FGD6: variants seen among roughly 807,000 people sequenced by gnomAD.
The protein encoded by FGD6 is FYVE, RhoGEF and PH domain containing 6.
Under a neutral mutation model 149.4 loss-of-function variants are expected in FGD6, and 90 were observed. That is an observed-to-expected ratio of 0.60 (90% CI 0.51 to 0.72). FGD6 has a LOEUF of 0.72. FGD6 is among the 30% of genes least tolerant of loss of function. FGD6 has a pLI of 0.00. For synonymous variants in FGD6, 527 were observed against 584.0 expected (o/e 0.90, Z 1.41); for missense variants, 1,437 against 1,684.8 (o/e 0.85, Z 2.57).
chr12:95,118,364 A>AG (rs201747081), intron 8 of FGD6, among the ~76,000 whole-genome samples: 14,392 of 114,110 alleles, frequency 0.13, 1,090 homozygotes, highest in African/African-American at 0.23. Flanking sequence ...AAAAAAAAAG[A>AG]AAGAGAGAGA....
intron 9 of FGD6, 137 bp from the exon 10 acceptor site, chr12:95,108,698 G>T: frequency 2.1e-6 from 2 of 952,126 alleles, no homozygotes; most frequent in Non-Finnish European, 1.6e-6. Flanking sequence ...ACTGTGAGTA[G>T]GCAGAAATAT....
In FGD6 at chr12:95,209,511, G is replaced by A. The variant is rs759881385; in HGVS notation, c.1773C>T (p.Asn591=). The A allele has an allele frequency of 1.2e-6, 2 of 1,613,790 alleles. No homozygotes were observed. The highest frequency in any genetic ancestry group is 1.7e-6 in the Non-Finnish European group (2 of 1,179,906). Residue 591 remains asparagine (N), a synonymous_variant, in exon 2 of 21, where the codon AAC becomes AAT. Coordinates refer to ENST00000343958, the MANE Select transcript of FGD6 (RefSeq NM_018351.4). ...EFLKSVTVSS[N]SEPSTALTKP... is the part of the protein sequence containing the mutation. ...TGGTTAGGGCTGTTGAAGGCTCACTGTTTGACGATACGGTGACAGACTTTA... is the reference window on the plus strand; with the variant it reads ...TGGTTAGGGCTGTTGAAGGCTCACTATTTGACGATACGGTGACAGACTTTA...
At chr12:95,201,636 T>C (rs553345580) in intron 2 of FGD6, among the ~76,000 whole-genome samples, 2 of 152,216 alleles carry the variant, frequency 1.3e-5, no homozygotes, top group East Asian at 3.9e-4. Flanking sequence ...TAGGAGAACA[T>C]AGTGGGCCCT....
Position 95,085,819 on chromosome 12 carries a change from G to T in FGD6, c.4068C>A (p.Val1356=). ...ATGTATATAGTACTTTATTTTTTATGACAAACCAAAAGTGTTTCCAGGGTT... is the reference window on the plus strand; with the variant it reads ...ATGTATATAGTACTTTATTTTTTATTACAAACCAAAAGTGTTTCCAGGGTT... ...NKKPWKHFWF[V]IKNKVLYTYA... is the part of the protein sequence containing the mutation. The change falls in exon 19 of 21, where the codon GTC becomes GTA. Residue 1356 remains valine, a synonymous_variant. Coordinates refer to ENST00000343958, the MANE Select transcript of FGD6 (RefSeq NM_018351.4). The T allele has an allele frequency of 6.2e-7, 1 of 1,613,628 alleles. No homozygotes were observed. Among genetic ancestry groups the T allele is most frequent in the South Asian group, 1.1e-5 (1 of 90,998 alleles).
chr12:95,169,750 G>A (rs1880935052), intron 3 of FGD6, among the ~76,000 whole-genome samples: 1 of 152,202 alleles, frequency 6.6e-6, no homozygotes, highest in African/African-American at 2.4e-5. Flanking sequence ...ATAGAAAAGA[G>A]TGTCTGCTAG....
intron 2 of FGD6, among the ~76,000 whole-genome samples, chr12:95,204,496 C>G (rs759106404): frequency 6.6e-6 from 1 of 152,088 alleles, no homozygotes. Flanking sequence ...ACTACCCTAC[C>G]CTTCCCCCTT....
intron 2 of FGD6, among the ~76,000 whole-genome samples, chr12:95,177,189 C>T (rs1026875236): frequency 1.3e-5 from 2 of 152,096 alleles, no homozygotes; most frequent in African/African-American, 4.8e-5. Flanking sequence ...AACAGAAAAC[C>T]TGTACAATGA....
At chr12:95,107,414 T>C (rs908288964) in intron 12 of FGD6, 149 bp downstream of exon 12, 1 of 638,250 alleles carries the variant, frequency 1.6e-6, no homozygotes, top group Middle Eastern at 2.9e-4. Flanking sequence ...TTCCCATACT[T>C]GAAATGCAAT....
chr12:95,194,721 C>A (rs1881693214), intron 2 of FGD6, among the ~76,000 whole-genome samples: 1 of 152,142 alleles, frequency 6.6e-6, no homozygotes, highest in East Asian at 1.9e-4. Flanking sequence ...ATTAAATACA[C>A]ATGTGAGTAC....
chr12:95,162,480 T>C lies in FGD6; in HGVS notation c.2587-9487A>G, dbSNP rs116024333. ...AGGCGGAGGCTGCAGTAAGTCAAGA[T>C]TGCGCCACTGTACTCTCCAGCCTGG... On this transcript the variant is annotated intron_variant, in intron 3 of 20. Transcript: ENST00000343958. Among the ~76,000 whole-genome samples, 941 of 152,186 alleles carry C rather than the reference T, an allele frequency of 6.2e-3. 16 individuals carry two copies. Among genetic ancestry groups the C allele is most frequent in the African/African-American group, 0.021 (891 of 41,532 alleles).
intron 1 of FGD6, among the ~76,000 whole-genome samples, chr12:95,214,407 G>C (rs541915750): frequency 3.3e-5 from 5 of 152,182 alleles, no homozygotes; most frequent in African/African-American, 1.2e-4. Context: ...GTCACTGGTA[G>C]AGCAATATCC....
intron 3 of FGD6, among the ~76,000 whole-genome samples, chr12:95,161,545 T>C (rs1195933554): frequency 6.6e-6 from 1 of 151,942 alleles, no homozygotes; most frequent in African/African-American, 2.4e-5. Flanking sequence ...CTAACAGGAG[T>C]CTTGGATCTA....
At position 95,092,850 on chromosome 12, in the gene FGD6, G is replaced by A; in HGVS notation, c.3601-5C>T. On this transcript the variant is annotated splice_polypyrimidine_tract_variant and splice_region_variant and intron_variant, in intron 15 of 20. Transcript: ENST00000343958. ...TTCTTTATTTTCTGAGTCTGCCTGTGGAAGAAGAACAACTTCTGATTATCT... is the reference window on the plus strand; with the variant it reads ...TTCTTTATTTTCTGAGTCTGCCTGTAGAAGAAGAACAACTTCTGATTATCT... 6.2e-7 allele frequency: 1 copy of A among 1,604,264 alleles called. No homozygotes were observed. Among genetic ancestry groups the A allele is most frequent in the Non-Finnish European group, 8.5e-7 (1 of 1,175,020 alleles).
Position 95,210,656 on chromosome 12 carries a change from C to G in FGD6, c.628G>C (p.Gly210Arg). Reference protein sequence around the residue: ...HRPTDSPEMNGGCNSNGQFRI... With the variant: ...HRPTDSPEMNRGCNSNGQFRI... ...AATTGTCCATTTGAATTACAGCCACCATTCATTTCTGGGCTGTCTGTGGGC... is the reference window on the plus strand; with the variant it reads ...AATTGTCCATTTGAATTACAGCCACGATTCATTTCTGGGCTGTCTGTGGGC... The change falls in exon 2 of 21, where the codon GGT becomes CGT. Residue 210 changes from glycine (G) to arginine (R), a missense_variant. By Grantham distance (125) the Gly-to-Arg change is moderately radical. Transcript: ENST00000343958. 1 of 1,614,166 alleles carries G rather than the reference C, an allele frequency of 6.2e-7. No individual in the cohort carries two copies. Among genetic ancestry groups the G allele is most frequent in the Non-Finnish European group, 8.5e-7 (1 of 1,180,034 alleles).
chr12:95,179,651 G>A (rs778433176), intron 2 of FGD6, among the ~76,000 whole-genome samples: 4 of 151,966 alleles, frequency 2.6e-5, no homozygotes, highest in Non-Finnish European at 4.4e-5. Flanking sequence ...CCATATGCTT[G>A]CAACTTTTAT....
intron 2 of FGD6, among the ~76,000 whole-genome samples, chr12:95,185,423 T>A (rs1369472979): frequency 6.6e-6 from 1 of 152,072 alleles, no homozygotes; most frequent in African/African-American, 2.4e-5. Context: ...CATACATTTC[T>A]ACGAGGGAAG....
chr12:95,157,190 G>A (rs1880497281), intron 3 of FGD6, among the ~76,000 whole-genome samples: 1 of 152,200 alleles, frequency 6.6e-6, no homozygotes, highest in Non-Finnish European at 1.5e-5. Flanking sequence ...TACAGTTTGT[G>A]TATATTTGTC....
intron 8 of FGD6, among the ~76,000 whole-genome samples, chr12:95,125,302 G>A (rs1879300025): frequency 6.6e-6 from 1 of 152,154 alleles, no homozygotes; most frequent in Admixed American, 6.6e-5. Flanking sequence ...AAATGTGCTT[G>A]CCTCATATAC....
At chr12:95,202,541 T>C (rs1476510719) in intron 2 of FGD6, among the ~76,000 whole-genome samples, 1 of 149,932 alleles carries the variant, frequency 6.7e-6, no homozygotes, top group Non-Finnish European at 1.5e-5. Context: ...TTATTCCTAA[T>C]TCCTTTAAAA....
Sources: allele counts gnomAD v4.1 joint callset (sites outside exome capture counted in the v4.1 genomes callset), GRCh38; gene constraint gnomAD v4.1.1; transcripts MANE v1.5; gene names NCBI Gene and HGNC (gene_info 2026-07-23, HGNC 2026-07-21).